Variants in ELOVL6 observed in about 807,000 individuals in gnomAD.
The protein encoded by ELOVL6 is ELOVL fatty acid elongase 6.
ELOVL6 carries 8 observed loss-of-function variants against 31.7 expected under a neutral mutation model. That is an observed-to-expected ratio of 0.25 (90% CI 0.15 to 0.45). The LOEUF (loss-of-function observed/expected upper bound fraction) is 0.45, where lower values mean the gene tolerates loss of function less well. Ranked by LOEUF, ELOVL6 falls within the 20% of genes least tolerant of loss-of-function variation. The pLI, the probability that ELOVL6 is intolerant of heterozygous loss-of-function variation, is 1.00. For missense variants in ELOVL6, 126 were observed against 326.4 expected, an observed-to-expected ratio of 0.39 and a Z score of 4.73; for synonymous variants, 101 against 117.7, an observed-to-expected ratio of 0.86 and a Z score of 0.92.
intron 1 of ELOVL6, among the ~76,000 whole-genome samples, chr4:110,135,062 A>G (rs1410561277): frequency 1.3e-5 from 2 of 152,218 alleles, no homozygotes; most frequent in African/African-American, 4.8e-5. Flanking sequence ...TATCACTAAC[A>G]GACGTATAAA....
At chr4:110,185,519 C>A (rs984363759) in intron 1 of ELOVL6, among the ~76,000 whole-genome samples, 7 of 152,170 alleles carry the variant, frequency 4.6e-5, no homozygotes, top group African/African-American at 1.2e-4. Context: ...GTAGGTAATA[C>A]TTAATTGTTC....
chr4:110,173,169 GAAC>G (rs1759003779), intron 1 of ELOVL6, among the ~76,000 whole-genome samples: 1 of 152,152 alleles, frequency 6.6e-6, no homozygotes, highest in Non-Finnish European at 1.5e-5. Context: ...CGCCCAGACA[GAAC>G]AAATTATTGG....
At chr4:110,140,789 T>C (rs1209747307) in intron 1 of ELOVL6, among the ~76,000 whole-genome samples, 1 of 150,968 alleles carries the variant, frequency 6.6e-6, no homozygotes, top group Non-Finnish European at 1.5e-5. Flanking sequence ...ATATATATAA[T>C]ATTAAGGTCC....
At chr4:110,086,516 T>G (rs1756268786) in intron 2 of ELOVL6, among the ~76,000 whole-genome samples, 1 of 152,154 alleles carries the variant, frequency 6.6e-6, no homozygotes, top group Non-Finnish European at 1.5e-5. Flanking sequence ...GAGAGTAGTG[T>G]GTTAGTAGGA....
chr4:110,193,491 G>A (rs1759684304), intron 1 of ELOVL6, among the ~76,000 whole-genome samples: 1 of 152,112 alleles, frequency 6.6e-6, no homozygotes, highest in African/African-American at 2.4e-5. Flanking sequence ...TGTAATCCCA[G>A]CTGCTTGGGA....
intron 2 of ELOVL6, among the ~76,000 whole-genome samples, chr4:110,079,473 C>A (rs1246969461): frequency 1.3e-5 from 2 of 151,998 alleles, no homozygotes; most frequent in Non-Finnish European, 2.9e-5. Flanking sequence ...AACTGAACAA[C>A]CTGCTCCTGA....
chr4:110,158,598 C>CTATATATATATGTAT (rs1560849636), intron 1 of ELOVL6, among the ~76,000 whole-genome samples: 1 of 131,748 alleles, frequency 7.6e-6, no homozygotes, highest in Non-Finnish European at 1.7e-5. Context: ...TATATATACA[C>CTATATATATATGTAT]ACACACACAT....
At chr4:110,191,843 C>G (rs115448651) in intron 1 of ELOVL6, among the ~76,000 whole-genome samples, 2,377 of 152,028 alleles carry the variant, frequency 0.016, 65 homozygotes, top group African/African-American at 0.054. Flanking sequence ...GTATATCCCC[C>G]TAAGTATTTC....
At chr4:110,194,155 G>A (rs1032571437) in intron 1 of ELOVL6, among the ~76,000 whole-genome samples, 1 of 152,162 alleles carries the variant, frequency 6.6e-6, no homozygotes, top group African/African-American at 2.4e-5. Context: ...TTTGCTCCCT[G>A]GCTAGCAGCA....
At chr4:110,096,548 A>G (rs1354421276) in intron 2 of ELOVL6, among the ~76,000 whole-genome samples, 1 of 152,062 alleles carries the variant, frequency 6.6e-6, no homozygotes, top group Non-Finnish European at 1.5e-5. Context: ...TGAAGCATGG[A>G]GGTTTTATTC....
chr4:110,047,413 A>G lies in ELOVL6; in HGVS notation c.*3925T>C, dbSNP rs1302743963. On this transcript the variant is annotated 3_prime_UTR_variant, in exon 4 of 4. Coordinates refer to ENST00000302274, the MANE Select transcript of ELOVL6 (RefSeq NM_024090.3). ...GACACACACCGTGGTCTCTGAGTAG[A>G]GGCTGTACTATCAGAATAAAGAAAA... The G allele has an allele frequency of 6.6e-6, 1 of 151,888 alleles. No individual in the cohort carries two copies. The highest frequency in any genetic ancestry group is 1.5e-5 in the Non-Finnish European group (1 of 68,008). The allele number at this position is 151,888 out of a possible 1,614,324, so 9.4% of individuals were successfully genotyped here.
intron 1 of ELOVL6, among the ~76,000 whole-genome samples, chr4:110,128,950 A>T (rs1388205277): frequency 6.6e-6 from 1 of 152,188 alleles, no homozygotes; most frequent in Admixed American, 6.5e-5. Context: ...TAAGTAGGTA[A>T]CTGAGCTACT....
chr4:110,158,611 A>G (rs1399162603), intron 1 of ELOVL6, among the ~76,000 whole-genome samples: 1 of 131,186 alleles, frequency 7.6e-6, no homozygotes, highest in Non-Finnish European at 1.7e-5. Context: ...ACACACATAT[A>G]TATACACACA....
chr4:110,159,302 T>C (rs1033132012), intron 1 of ELOVL6, among the ~76,000 whole-genome samples: 3 of 152,194 alleles, frequency 2.0e-5, no homozygotes, highest in African/African-American at 7.2e-5. Flanking sequence ...TCATGGGATT[T>C]ATAGTACAAG....
chr4:110,186,460 G>A (rs1759443434), intron 1 of ELOVL6, among the ~76,000 whole-genome samples: 2 of 151,926 alleles, frequency 1.3e-5, no homozygotes, highest in South Asian at 4.2e-4. Context: ...TCTACATTCT[G>A]AATGTTGGGA....
At chr4:110,124,315 C>T (rs949398298) in intron 1 of ELOVL6, among the ~76,000 whole-genome samples, 1 of 152,102 alleles carries the variant, frequency 6.6e-6, no homozygotes. Flanking sequence ...CAAATGCCCA[C>T]TAATGATGGA....
intron 2 of ELOVL6, among the ~76,000 whole-genome samples, chr4:110,084,012 G>T (rs13119864): frequency 1.5e-3 from 16 of 10,882 alleles, no homozygotes; most frequent in East Asian, 5.0e-3. Flanking sequence ...GCCATATATG[G>T]TATATAACAT....
chr4:110,164,738 CAAAAAAAA>C (rs1287813192), intron 1 of ELOVL6, among the ~76,000 whole-genome samples: 37 of 84,384 alleles, frequency 4.4e-4, no homozygotes, highest in Admixed American at 4.3e-3. Flanking sequence ...GACCCTGTCT[CAAAAAAAA>C]AAAAAAAAAG....
At chr4:110,187,210 T>C (rs1387645135) in intron 1 of ELOVL6, among the ~76,000 whole-genome samples, 1 of 151,802 alleles carries the variant, frequency 6.6e-6, no homozygotes, top group East Asian at 1.9e-4. Context: ...GAAAACTCCA[T>C]AAAACAAATT....
Sources: allele counts gnomAD v4.1 joint callset (sites outside exome capture counted in the v4.1 genomes callset), GRCh38; gene constraint gnomAD v4.1.1; transcripts MANE v1.5; gene names NCBI Gene and HGNC (gene_info 2026-07-23, HGNC 2026-07-21).